PPM1L: variants seen among roughly 807,000 people sequenced by gnomAD.
PPM1L encodes protein phosphatase, Mg2+/Mn2+ dependent 1L.
PPM1L carries 13 observed loss-of-function variants against 31.4 expected under a neutral mutation model. The ratio of observed to expected loss-of-function variants is 0.41; its 90% CI spans 0.27 to 0.66. PPM1L has a LOEUF of 0.66. PPM1L is among the 30% of genes least tolerant of loss of function. The probability of loss-of-function intolerance (pLI) is 0.29; values close to 1 mark genes in which losing one functional copy is unlikely to be tolerated. For missense variants in PPM1L, 326 were observed against 453.7 expected (o/e 0.72, Z 2.56); for synonymous variants, 184 against 175.4 (o/e 1.05, Z -0.39).
At chr3:160,857,565 T>C (rs1159475309) in intron 1 of PPM1L, among the ~76,000 whole-genome samples, 1 of 152,178 alleles carries the variant, frequency 6.6e-6, no homozygotes, top group African/African-American at 2.4e-5. Context: ...TAATAGTCCT[T>C]TTTTGTGTGG....
chr3:160,809,657 C>G (rs925713463), intron 1 of PPM1L, among the ~76,000 whole-genome samples: 1 of 152,136 alleles, frequency 6.6e-6, no homozygotes, highest in African/African-American at 2.4e-5. Flanking sequence ...GACATCATTA[C>G]TAGATATAGC....
intron 2 of PPM1L, chr3:161,022,030 A>G: frequency 2.2e-6 from 1 of 462,326 alleles, no homozygotes; most frequent in Non-Finnish European, 3.8e-6. Flanking sequence ...AGTTATGTTT[A>G]CTATTTTACT....
At chr3:160,858,426 T>C (rs1711791921) in intron 1 of PPM1L, among the ~76,000 whole-genome samples, 1 of 152,136 alleles carries the variant, frequency 6.6e-6, no homozygotes, top group Admixed American at 6.5e-5. Flanking sequence ...TTTGTATTTT[T>C]AGTAGACACA....
chr3:160,863,551 C>T (rs1364230501), intron 1 of PPM1L, among the ~76,000 whole-genome samples: 2 of 152,158 alleles, frequency 1.3e-5, no homozygotes, highest in African/African-American at 4.8e-5. Flanking sequence ...AGCTCCAACC[C>T]TAGGTCTTAG....
At chr3:160,891,589 C>T (rs894554009) in intron 1 of PPM1L, among the ~76,000 whole-genome samples, 16 of 152,244 alleles carry the variant, frequency 1.1e-4, no homozygotes, top group African/African-American at 2.6e-4. Context: ...GACAGCATGG[C>T]GATTCCTCAA....
rs184413744 is a variant in PPM1L, at chr3:160,905,213, A to G, written c.400-56523A>G. On this transcript the variant is annotated intron_variant, in intron 1 of 3. Coordinates refer to ENST00000498165, the MANE Select transcript of PPM1L (RefSeq NM_139245.4). ...AAATTTATTTTTGCATTTCCCTACC[A>G]GTTCCAATATATAAGTGTCTCTCTG... Among the ~76,000 whole-genome samples the G allele has an allele frequency of 5.0e-4, 76 of 152,324 alleles. 1 individual carries two copies. The East Asian group carries it at 0.011, about 22-fold the overall frequency.
intron 2 of PPM1L, among the ~76,000 whole-genome samples, chr3:160,982,299 C>T (rs1271870001): frequency 1.3e-5 from 2 of 152,098 alleles, no homozygotes; most frequent in Non-Finnish European, 2.9e-5. Flanking sequence ...CTAGAGCTTC[C>T]TAACACTGTG....
At chr3:160,954,193 C>T (rs1409529641) in intron 1 of PPM1L, among the ~76,000 whole-genome samples, 1 of 152,104 alleles carries the variant, frequency 6.6e-6, no homozygotes, top group Non-Finnish European at 1.5e-5. Context: ...TTAAAGCATT[C>T]AGCACAGTGC....
rs117389732 is a variant in PPM1L at position 160,871,953 on chromosome 3, A to G, written c.400-89783A>G. Reference sequence around the variant, plus strand: ...TAATTAAAGCATCTTTTTTTTAATTATTTATCTTATCCAGCAGTCATTGAA... The same window carrying G: ...TAATTAAAGCATCTTTTTTTTAATTGTTTATCTTATCCAGCAGTCATTGAA... On this transcript the variant is annotated intron_variant, in intron 1 of 3. Transcript: ENST00000498165. Among the ~76,000 whole-genome samples, 11 of 152,046 alleles carry G rather than the reference A, an allele frequency of 7.2e-5. No individual in the cohort carries two copies. The East Asian group carries it at 2.1e-3, about 29-fold the overall frequency.
intron 1 of PPM1L, among the ~76,000 whole-genome samples, chr3:160,865,090 T>C (rs1576677723): frequency 6.6e-6 from 1 of 152,342 alleles, no homozygotes; most frequent in East Asian, 1.9e-4. Context: ...TCGTTTCTAA[T>C]GTATCCAGTT....
chr3:160,934,325 T>G (rs1388622342), intron 1 of PPM1L, among the ~76,000 whole-genome samples: 2 of 152,232 alleles, frequency 1.3e-5, no homozygotes, highest in African/African-American at 4.8e-5. Flanking sequence ...AGTGATAAAT[T>G]TAAGAGAAGA....
intron 1 of PPM1L, among the ~76,000 whole-genome samples, chr3:160,809,293 A>G (rs1244778333): frequency 6.6e-6 from 1 of 152,190 alleles, no homozygotes; most frequent in Non-Finnish European, 1.5e-5. Context: ...AAGGAAATTG[A>G]TTATATTTGG....
chr3:161,061,737 G>A (rs545867859), intron 2 of PPM1L, among the ~76,000 whole-genome samples: 104 of 152,240 alleles, frequency 6.8e-4, no homozygotes, highest in African/African-American at 2.2e-3. Flanking sequence ...TTGGCCATCC[G>A]TGGATTTTGC....
intron 2 of PPM1L, among the ~76,000 whole-genome samples, chr3:160,984,670 G>A (rs987232243): frequency 3.9e-5 from 6 of 152,144 alleles, no homozygotes; most frequent in Admixed American, 1.3e-4. Context: ...TCTGTTCAGG[G>A]TCCCTGACTT....
At chr3:160,899,450 G>T (rs1713464455) in intron 1 of PPM1L, among the ~76,000 whole-genome samples, 1 of 152,132 alleles carries the variant, frequency 6.6e-6, no homozygotes, top group Non-Finnish European at 1.5e-5. Flanking sequence ...CAAATAGAAG[G>T]CACAGAATGG....
intron 2 of PPM1L, among the ~76,000 whole-genome samples, chr3:161,057,963 AT>A (rs1362942233): frequency 6.6e-6 from 1 of 151,752 alleles, no homozygotes; most frequent in Non-Finnish European, 1.5e-5. Flanking sequence ...GGAGTTTGCA[AT>A]TTCAATTTAA....
At chr3:161,008,349 A>G (rs1171509040) in intron 2 of PPM1L, among the ~76,000 whole-genome samples, 6 of 152,324 alleles carry the variant, frequency 3.9e-5, no homozygotes, top group South Asian at 4.1e-4. Flanking sequence ...CATTCAATCT[A>G]TTAGAATTAG....
At chr3:160,998,860 A>G (rs914055823) in intron 2 of PPM1L, among the ~76,000 whole-genome samples, 4 of 152,194 alleles carry the variant, frequency 2.6e-5, no homozygotes, top group Non-Finnish European at 5.9e-5. Context: ...TCATAATTGT[A>G]TTTATTAGTA....
intron 1 of PPM1L, among the ~76,000 whole-genome samples, chr3:160,918,140 T>G (rs1714257008): frequency 6.6e-6 from 1 of 152,200 alleles, no homozygotes; most frequent in Admixed American, 6.5e-5. Flanking sequence ...CCTTTGCTTA[T>G]AATATCATGG....
Sources: allele counts gnomAD v4.1 joint callset (sites outside exome capture counted in the v4.1 genomes callset), GRCh38; gene constraint gnomAD v4.1.1; transcripts MANE v1.5; gene names NCBI Gene and HGNC (gene_info 2026-07-23, HGNC 2026-07-21).